Variants in TNFRSF21 observed in about 807,000 individuals in gnomAD.
TNFRSF21 encodes tumor necrosis factor receptor superfamily member 21.
Under a neutral mutation model 45.6 loss-of-function variants are expected in TNFRSF21, and 19 were observed. That is an observed-to-expected ratio of 0.42 (90% CI 0.29 to 0.61). The LOEUF (loss-of-function observed/expected upper bound fraction) is 0.61. Ranked by LOEUF, TNFRSF21 falls within the 20% of genes least tolerant of loss-of-function variation. The pLI is 0.23. For missense variants in TNFRSF21, 737 were observed against 851.5 expected (o/e 0.87, Z 1.67); for synonymous variants, 314 against 335.5 (o/e 0.94, Z 0.70).
chr6:47,242,738 CAA>C (rs1388589561), intron 4 of TNFRSF21, among the ~76,000 whole-genome samples: 1 of 152,136 alleles, frequency 6.6e-6, no homozygotes, highest in Admixed American at 6.5e-5. Context: ...TTAGCTTTCT[CAA>C]AAAGAGGAAG....
chr6:47,294,005 G>C (rs560494021), intron 1 of TNFRSF21, among the ~76,000 whole-genome samples: 1 of 152,268 alleles, frequency 6.6e-6, no homozygotes, highest in South Asian at 2.1e-4. Flanking sequence ...ATGCCCTCAA[G>C]GACCCAACTC....
intron 3 of TNFRSF21, among the ~76,000 whole-genome samples, chr6:47,262,564 G>A (rs1765088679): frequency 6.6e-6 from 1 of 152,204 alleles, no homozygotes; most frequent in African/African-American, 2.4e-5. Flanking sequence ...GGAGAGCTAA[G>A]GAGAAAAATA....
At chr6:47,272,728 C>A (rs556719980) in intron 3 of TNFRSF21, among the ~76,000 whole-genome samples, 149 of 152,212 alleles carry the variant, frequency 9.8e-4, no homozygotes, top group African/African-American at 3.3e-3. Flanking sequence ...AATCCAGGAG[C>A]TGGTTTTTTG....
At chr6:47,243,891 C>A (rs1271748013) in intron 4 of TNFRSF21, among the ~76,000 whole-genome samples, 1 of 151,448 alleles carries the variant, frequency 6.6e-6, no homozygotes, top group Non-Finnish European at 1.5e-5. Flanking sequence ...CACTCTTTTG[C>A]TATTACACAT....
At chr6:47,305,545 C>G (rs919144911) in intron 1 of TNFRSF21, among the ~76,000 whole-genome samples, 1 of 152,110 alleles carries the variant, frequency 6.6e-6, no homozygotes, top group Non-Finnish European at 1.5e-5. Context: ...CTTCAGCCCC[C>G]ACCAGACCAC....
chr6:47,286,957 T>C (rs1174463734), intron 1 of TNFRSF21, among the ~76,000 whole-genome samples: 1 of 152,188 alleles, frequency 6.6e-6, no homozygotes, highest in Non-Finnish European at 1.5e-5. Context: ...TAAAATGTTA[T>C]ATATGGCTGG....
In TNFRSF21 at chr6:47,232,784, T is replaced by A. The variant is rs757414903; in HGVS notation, c.1949A>T (p.His650Leu). The A allele has an allele frequency of 2.7e-5, 43 of 1,614,046 alleles. No homozygotes were observed. The highest frequency in any genetic ancestry group is 3.6e-5 in the Non-Finnish European group (42 of 1,180,042). Residue 650 changes from histidine (H) to leucine (L), a missense_variant, in exon 6 of 6, where the codon CAT (histidine) becomes CTT (leucine). Transcript: ENST00000296861. The stretch of plus-strand genomic sequence containing the variant: ...TATGTTCTACAGCAGGTCAGGAAGA[T>A]GGCTATAAACAGAGTCCAGGAGGGT... The part of the protein sequence containing the change: ...SQTLLDSVYS[H>L]LPDLL
At chr6:47,306,318 G>A (rs1223457049) in intron 1 of TNFRSF21, among the ~76,000 whole-genome samples, 7 of 152,176 alleles carry the variant, frequency 4.6e-5, no homozygotes, top group Non-Finnish European at 8.8e-5. Context: ...TTTCCCCAGT[G>A]AGCCTTCTCT....
At chr6:47,233,082 A>T (rs1405169258) in intron 5 of TNFRSF21, 88 bp from the exon 6 acceptor site, 14 of 1,185,080 alleles carry the variant, frequency 1.2e-5, no homozygotes, top group Non-Finnish European at 1.6e-5. Flanking sequence ...CTAGAGAGAG[A>T]GACATCTATG....
intron 4 of TNFRSF21, among the ~76,000 whole-genome samples, chr6:47,243,018 G>A (rs1764770308): frequency 6.6e-6 from 1 of 152,218 alleles, no homozygotes; most frequent in Non-Finnish European, 1.5e-5. Flanking sequence ...AATTTCGTAG[G>A]AAACTCAAGA....
chr6:47,261,838 C>A (rs1449318245), intron 3 of TNFRSF21, among the ~76,000 whole-genome samples: 2 of 152,216 alleles, frequency 1.3e-5, no homozygotes, highest in African/African-American at 4.8e-5. Flanking sequence ...GCAACATACC[C>A]ACATGTACCT....
In TNFRSF21 at chr6:47,286,494, G is replaced by A. The variant is rs760977149; in HGVS notation, c.198C>T (p.Thr66=). The A allele has an allele frequency of 6.2e-7, 1 of 1,614,182 alleles. No homozygotes were observed. Among genetic ancestry groups the A allele is most frequent in the Non-Finnish European group, 8.5e-7 (1 of 1,180,020 alleles). ...HVDRATGQVL[T]CDKCPAGTYV... The stretch of plus-strand genomic sequence containing the variant: ...AGGTTCCTGCTGGACACTTGTCACA[G>A]GTTAGCACCTGGCCGGTGGCACGGT... Residue 66 remains threonine, a synonymous_variant, in exon 2 of 6, where the codon ACC becomes ACT. Transcript: ENST00000296861.
rs1764871019 is a variant in TNFRSF21, at chr6:47,249,511, G to A, written c.1509+3745C>T. 1.3e-5 allele frequency among the ~76,000 whole-genome samples: 2 copies of A among 152,120 alleles called. 1 individual carries two copies. The highest frequency in any genetic ancestry group is 4.1e-4 in the South Asian group (2 of 4,830). ...GTTTACTGCTGGAAACCTACACATAGAAGTATTCTTTAGGCAAAAGAAAAA... is the reference window on the plus strand; with the variant it reads ...GTTTACTGCTGGAAACCTACACATAAAAGTATTCTTTAGGCAAAAGAAAAA... On this transcript the variant is annotated intron_variant, in intron 4 of 5. Coordinates refer to ENST00000296861, the MANE Select transcript of TNFRSF21 (RefSeq NM_014452.5).
Position 47,255,460 on chromosome 6 carries a change from T to TG in TNFRSF21, c.1244-1940_1244-1939insC, listed in dbSNP as rs71907251. Among the ~76,000 whole-genome samples the TG allele has an allele frequency of 2.6e-3, 283 of 110,656 alleles. 5 individuals are homozygous for TG. The highest frequency in any genetic ancestry group is 0.021 in the Admixed American group (251 of 12,048). The allele number at this position is 110,656 out of a possible 152,430, so 72.6% of individuals were successfully genotyped here. ...CTCTGAATCAATGTCATGTCTTTGG[T>TG]TTTTTTTTTTGTTTTTTTGAGATGA... On this transcript the variant is annotated intron_variant, in intron 3 of 5. Coordinates refer to ENST00000296861, the MANE Select transcript of TNFRSF21 (RefSeq NM_014452.5).
intron 4 of TNFRSF21, among the ~76,000 whole-genome samples, chr6:47,249,390 C>T (rs1764869007): frequency 6.6e-6 from 1 of 152,124 alleles, no homozygotes; most frequent in African/African-American, 2.4e-5. Context: ...AACTGGCAAG[C>T]TAGAATTTTA....
rs748971662 is a variant in TNFRSF21, at chr6:47,286,533, T to C, written c.159A>G (p.Thr53=). ...PEQKASNLIG[T]YRHVDRATGQ... is the part of the protein sequence containing the mutation. ...CGGTGGCACGGTCAACATGGCGGTA[T>C]GTGCCAATGAGATTCGAGGCCTTCT... is the stretch of plus-strand genomic sequence containing the variant. Residue 53 remains threonine, a synonymous_variant, in exon 2 of 6, where the codon ACA becomes ACG. Coordinates refer to ENST00000296861, the MANE Select transcript of TNFRSF21 (RefSeq NM_014452.5). 11 of 1,613,662 alleles carry C rather than the reference T, an allele frequency of 6.8e-6. No individual in the cohort carries two copies. The highest frequency in any genetic ancestry group is 5.3e-5 in the African/African-American group (4 of 74,920).
chr6:47,250,491 G>T lies in TNFRSF21; in HGVS notation c.1509+2765C>A, dbSNP rs1417798035. On this transcript the variant is annotated intron_variant, in intron 4 of 5. Transcript: ENST00000296861. ...TAAAAATGGCTAATAGGCCACCATG[G>T]TTAATAATGAACCGGCTGTTCTTGA... 2.0e-5 allele frequency among the ~76,000 whole-genome samples: 3 copies of T among 152,162 alleles called. No individual in the cohort carries two copies. The East Asian group carries it at 5.8e-4, about 29-fold the overall frequency.
At chr6:47,256,191 A>G (rs1290747193) in intron 3 of TNFRSF21, among the ~76,000 whole-genome samples, 1 of 152,222 alleles carries the variant, frequency 6.6e-6, no homozygotes, top group Non-Finnish European at 1.5e-5. Flanking sequence ...ATGGTTTTCA[A>G]AAATCAGTTC....
chr6:47,241,611 G>A (rs1398560208), intron 4 of TNFRSF21, among the ~76,000 whole-genome samples: 2 of 152,210 alleles, frequency 1.3e-5, no homozygotes, highest in Admixed American at 6.5e-5. Flanking sequence ...GACTGGAAAC[G>A]TATACATACA....
Sources: allele counts gnomAD v4.1 joint callset (sites outside exome capture counted in the v4.1 genomes callset), GRCh38; gene constraint gnomAD v4.1.1; transcripts MANE v1.5; gene names NCBI Gene and HGNC (gene_info 2026-07-23, HGNC 2026-07-21).